Variants in OR56A3 observed in about 807,000 individuals in gnomAD.
OR56A3 encodes the protein olfactory receptor family 56 subfamily A member 3, also known as olfactory receptor 56A3.
A neutral mutation model predicts 17.5 loss-of-function variants in OR56A3; 23 were observed. The ratio of observed to expected loss-of-function variants is 1.32; its 90% CI spans 0.95 to 1.87. The LOEUF is 1.87. OR56A3 is among the 40% of genes most tolerant of loss of function. OR56A3 has a pLI of 0.00. For synonymous variants in OR56A3, 175 were observed against 150.6 expected (o/e 1.16, Z -1.19); for missense variants, 366 against 380.1 (o/e 0.96, Z 0.31).
the OR56A3 span, chr11:6,006,316 T>G: frequency 2.0e-5 from 3 of 152,222 alleles, no homozygotes; most frequent in Non-Finnish European, 4.4e-5. Context: ...AATTGAGGCC[T>G]CCTAATCTGA....
chr11:6,005,221 T>C, the OR56A3 span, among the ~76,000 whole-genome samples: 1 of 152,164 alleles, frequency 6.6e-6, no homozygotes, highest in Non-Finnish European at 1.5e-5. Flanking sequence ...TCTGAAGTTC[T>C]GTTAGGTCAA....
the OR56A3 span, among the ~76,000 whole-genome samples, chr11:5,964,463 G>A: frequency 6.6e-6 from 1 of 152,168 alleles, no homozygotes; most frequent in Admixed American, 6.5e-5. Flanking sequence ...TGAAGACCTG[G>A]GGGTACTCTA....
the OR56A3 span, among the ~76,000 whole-genome samples, chr11:6,019,141 T>C: frequency 6.6e-6 from 1 of 151,200 alleles, no homozygotes; most frequent in African/African-American, 2.4e-5. Context: ...TCCAAAAAAT[T>C]AAAGAGGAGG....
the OR56A3 span, among the ~76,000 whole-genome samples, chr11:6,009,686 G>A: frequency 6.6e-6 from 1 of 152,044 alleles, no homozygotes; most frequent in Non-Finnish European, 1.5e-5. Context: ...GCTCTATTCA[G>A]AACTTTTTGT....
chr11:5,966,577 C>T, the OR56A3 span, among the ~76,000 whole-genome samples: 1 of 152,004 alleles, frequency 6.6e-6, no homozygotes, highest in Non-Finnish European at 1.5e-5. Context: ...ATAGGTCCTA[C>T]CTATATACTG....
At chr11:6,008,578 G>A in the OR56A3 span, among the ~76,000 whole-genome samples, 2 of 151,842 alleles carry the variant, frequency 1.3e-5, no homozygotes, top group East Asian at 2.0e-4. Flanking sequence ...CTTTCTGGCC[G>A]CTTCTACTTG....
chr11:5,943,724 G>T (rs948746717), intron 1 of OR56A3, among the ~76,000 whole-genome samples: 2 of 152,094 alleles, frequency 1.3e-5, no homozygotes, highest in Admixed American at 6.6e-5. Context: ...TGCAATCCTA[G>T]TTACAAGTGC....
At chr11:5,965,560 G>A in the OR56A3 span, among the ~76,000 whole-genome samples, 5 of 152,006 alleles carry the variant, frequency 3.3e-5, no homozygotes, top group Admixed American at 2.0e-4. Context: ...TCCCTAAGAA[G>A]GGAAAATAAG....
At chr11:5,973,796 T>G in the OR56A3 span, among the ~76,000 whole-genome samples, 1 of 152,210 alleles carries the variant, frequency 6.6e-6, no homozygotes, top group Non-Finnish European at 1.5e-5. Context: ...CTTCCTGGCT[T>G]CCAGTTCAGA....
At chr11:6,017,357 A>G in the OR56A3 span, among the ~76,000 whole-genome samples, 8 of 152,234 alleles carry the variant, frequency 5.3e-5, no homozygotes, top group African/African-American at 1.9e-4. Flanking sequence ...ATTCTCCAAG[A>G]TATATTATAG....
rs78582563 is a variant in OR56A3 at position 5,942,373 on chromosome 11, A to T, written c.-315A>T. ...ATAAATAAAGACTGCACCCTGTCTC[A>T]GGTAAAGAGGCTTATGTGCTCTGGG... On this transcript the variant is annotated splice_region_variant and 5_prime_UTR_variant, in exon 1 of 3. Coordinates refer to ENST00000641160, the MANE Select transcript of OR56A3 (RefSeq NM_001003443.3). 1.3e-5 allele frequency: 2 copies of T among 152,310 alleles called. No homozygotes were observed. The highest frequency in any genetic ancestry group is 3.9e-4 in the East Asian group (2 of 5,192). 9.4% of individuals were successfully genotyped at this position (152,310 alleles called of 1,614,324 possible). A position where few individuals can be genotyped will look rare whatever the true frequency, so the allele number is the denominator to read the frequency against.
chr11:5,954,312 A>G (rs1847922415), downstream of OR56A3, among the ~76,000 whole-genome samples: 3 of 152,244 alleles, frequency 2.0e-5, no homozygotes, highest in South Asian at 6.2e-4. Flanking sequence ...GGAAAAATCA[A>G]ATGTACCTCT....
chr11:5,965,797 G>A, the OR56A3 span, among the ~76,000 whole-genome samples: 1 of 152,260 alleles, frequency 6.6e-6, no homozygotes, highest in South Asian at 2.1e-4. Flanking sequence ...GGTTTGTGGA[G>A]TAGGTGGAGT....
At position 5,951,269 on chromosome 11, in the gene OR56A3, C is replaced by T. The variant is rs1223455471; in HGVS notation, c.*2975C>T. On this transcript the variant is annotated 3_prime_UTR_variant, in exon 3 of 3. Coordinates refer to ENST00000641160, the MANE Select transcript of OR56A3 (RefSeq NM_001003443.3). Reference sequence around the variant, plus strand: ...TATTAGCATTAGAGTAATCGACAGACATTAATACGTTAAAGGTTTATCAGA... The same window carrying T: ...TATTAGCATTAGAGTAATCGACAGATATTAATACGTTAAAGGTTTATCAGA... 6.6e-6 allele frequency: 1 copy of T among 151,976 alleles called. No homozygotes were observed. The highest frequency in any genetic ancestry group is 1.5e-5 in the Non-Finnish European group (1 of 67,978). 9.4% of individuals were successfully genotyped at this position (151,976 alleles called of 1,614,324 possible).
the OR56A3 span, among the ~76,000 whole-genome samples, chr11:5,993,506 C>T: frequency 1.3e-5 from 2 of 152,092 alleles, no homozygotes; most frequent in African/African-American, 2.4e-5. Flanking sequence ...CTCAGTTTTC[C>T]TCTCTTTTCT....
At position 5,947,176 on chromosome 11, in the gene OR56A3, C is replaced by T. The variant is rs1590445511; in HGVS notation, c.-36-135C>T. ...TGATAGGAATACCCCAGTGACATGA[C>T]ACTGAGGAAAAACAGATGAATTCGC... On this transcript the variant is annotated intron_variant, in intron 2 of 2. Transcript: ENST00000641160. The T allele has an allele frequency of 3.1e-5, 19 of 622,626 alleles. No homozygotes were observed. In the South Asian group the frequency reaches 3.4e-4, roughly 11 times the overall value. The allele number at this position is 622,626 out of a possible 1,614,324, so 38.6% of individuals were successfully genotyped here.
the OR56A3 span, among the ~76,000 whole-genome samples, chr11:6,010,078 A>T: frequency 1.3e-5 from 2 of 151,988 alleles, no homozygotes; most frequent in Non-Finnish European, 2.9e-5. Context: ...TTTAAAAAAA[A>T]TACCTGGTTT....
At chr11:5,993,879 G>T in the OR56A3 span, 2 of 513,880 alleles carry the variant, frequency 3.9e-6, no homozygotes, top group Non-Finnish European at 7.1e-6. Context: ...CTGGCTTAAT[G>T]TCTCAGAACT....
the OR56A3 span, among the ~76,000 whole-genome samples, chr11:5,997,208 G>A: frequency 6.6e-6 from 1 of 152,154 alleles, no homozygotes; most frequent in Non-Finnish European, 1.5e-5. Context: ...CAGGGCTACA[G>A]CAGATTTTGG....
Sources: allele counts gnomAD v4.1 joint callset (sites outside exome capture counted in the v4.1 genomes callset), GRCh38; gene constraint gnomAD v4.1.1; transcripts MANE v1.5; gene names NCBI Gene and HGNC (gene_info 2026-07-23, HGNC 2026-07-21).